The following ALG1L2 variants were observed in gnomAD, a reference collection of about 807,000 sequenced individuals.
ALG1L2 encodes ALG1 chitobiosyldiphosphodolichol beta-mannosyltransferase like 2.
In ALG1L2, 32 loss-of-function variants were observed where a neutral mutation model predicts 29.0. The ratio of observed to expected loss-of-function variants is 1.10; its 90% confidence interval spans 0.83 to 1.48. The LOEUF is 1.48. Among genes scored for constraint, ALG1L2 ranks in the 40% most tolerant of loss-of-function variants. The pLI is 0.00. For missense variants in ALG1L2, 318 were observed against 274.1 expected (o/e 1.16, Z -1.13); for synonymous variants, 110 against 109.5 (o/e 1.00, Z -0.03).
chr3:130,092,144 G>T lies in ALG1L2; in HGVS notation c.175G>T (p.Glu59Ter), dbSNP rs2108120862. The T allele has an allele frequency of 3.7e-6, 6 of 1,613,644 alleles. No individual in the cohort carries two copies. Among genetic ancestry groups the T allele is most frequent in the Non-Finnish European group, 5.1e-6 (6 of 1,179,836 alleles). Reference protein sequence around the residue: ...DPDTERSAFTERDSGSGLVTR... With the variant: ...DPDTERSAFT ...AGACACAGAGCGGTCGGCCTTCACG[G>T]AGCGGGATTCTGGGAGCGGGCTGGT... Residue 59 changes from glutamate (E) to a stop codon, truncating the protein, a stop_gained, in exon 3 of 8, where the codon GAG becomes TAG. Coordinates refer to ENST00000425059, the MANE Select transcript of ALG1L2 (RefSeq NM_001136152.1). LOFTEE classifies it high-confidence loss of function.
intron 1 of ALG1L2, among the ~76,000 whole-genome samples, chr3:130,090,201 C>A (rs1418111116): frequency 1.3e-5 from 2 of 152,278 alleles, no homozygotes; most frequent in Non-Finnish European, 2.9e-5. Context: ...ACTAAAAATA[C>A]AAAAATTAGC....
chr3:130,093,244 C>G, intron 4 of ALG1L2, 84 bp downstream of exon 4: 2 of 1,478,082 alleles, frequency 1.4e-6, no homozygotes, highest in Non-Finnish European at 1.9e-6. Context: ...GTGCTTCCCA[C>G]GATCTTGTCT....
intron 4 of ALG1L2, chr3:130,094,166 C>T (rs749366399): frequency 2.0e-5 from 11 of 553,012 alleles, no homozygotes; most frequent in Non-Finnish European, 3.2e-5. Context: ...GTTTGCAGCC[C>T]GAGGCCAGCT....
intron 1 of ALG1L2, among the ~76,000 whole-genome samples, chr3:130,083,848 G>C (rs1250021710): frequency 8.0e-6 from 1 of 124,986 alleles, no homozygotes; most frequent in Non-Finnish European, 1.9e-5. Flanking sequence ...AGCTGCTCCT[G>C]ACTGTAAAGA....
chr3:130,090,017 G>A (rs1197878017), intron 1 of ALG1L2, among the ~76,000 whole-genome samples: 4 of 152,290 alleles, frequency 2.6e-5, no homozygotes, highest in Non-Finnish European at 5.9e-5. Flanking sequence ...ACTCCAGCCT[G>A]GGGGACAAAA....
chr3:130,098,186 G>T (rs1163070124), intron 7 of ALG1L2, 37 bp from the exon 8 acceptor site: 3 of 1,596,036 alleles, frequency 1.9e-6, no homozygotes, highest in East Asian at 4.5e-5. Flanking sequence ...CCTGGGATGG[G>T]GTGGGGACAG....
At chr3:130,094,632 G>C in intron 5 of ALG1L2, 119 bp downstream of exon 5, 1 of 1,151,096 alleles carries the variant, frequency 8.7e-7, no homozygotes, top group Non-Finnish European at 1.2e-6. Context: ...GACAGGACCT[G>C]GGCTCTAGCT....
At position 130,092,164 on chromosome 3, in the gene ALG1L2, G is replaced by T. The variant is rs772527130; in HGVS notation, c.195G>T (p.Gly65=). The T allele has an allele frequency of 6.2e-7, 1 of 1,613,260 alleles. No individual in the cohort carries two copies. The highest frequency in any genetic ancestry group is 8.5e-7 in the Non-Finnish European group (1 of 1,179,762). The stretch of plus-strand genomic sequence containing the variant: ...TCACGGAGCGGGATTCTGGGAGCGG[G>T]CTGGTGACGCGTCTCCACGAGCGGC... The part of the protein sequence containing the change: ...SAFTERDSGS[G]LVTRLHERPA... Residue 65 remains glycine (G), a synonymous_variant, in exon 3 of 8, where the codon GGG becomes GGT. Transcript: ENST00000425059.
chr3:130,091,180 T>C (rs764992438), intron 1 of ALG1L2, 81 bp from the exon 2 acceptor site: 1 of 1,382,450 alleles, frequency 7.2e-7, no homozygotes, highest in South Asian at 1.2e-5. Flanking sequence ...ACGTTGGGCA[T>C]GGAACCCAAA....
In ALG1L2 at chr3:130,091,343, G is replaced by C. The variant is rs1319783560; in HGVS notation, c.103G>C (p.Gly35Arg). ...GCAGCACCGGCTCTTCATGAAGCTGGGCAGCACGCACTCTCCGTTCAGGGC... is the reference window on the plus strand; with the variant it reads ...GCAGCACCGGCTCTTCATGAAGCTGCGCAGCACGCACTCTCCGTTCAGGGC... ...DLQHRLFMKL[G>R]STHSPFRARS... The change falls in exon 2 of 8, where the codon GGC becomes CGC. Residue 35 changes from glycine to arginine, a missense_variant. Coordinates refer to ENST00000425059, the MANE Select transcript of ALG1L2 (RefSeq NM_001136152.1). 8.8e-6 allele frequency: 14 copies of C among 1,597,370 alleles called. No individual in the cohort carries two copies. The highest frequency in any genetic ancestry group is 1.2e-5 in the Non-Finnish European group (14 of 1,179,760).
Position 130,083,349 on chromosome 3 carries a change from C to G in ALG1L2, c.20+1313C>G, listed in dbSNP as rs536819968. ...ATCCCAGCTACTCAGGAGGCTAAGG[C>G]AGGAGAATGGTCTGAACCCGGGAGG... On this transcript the variant is annotated intron_variant, in intron 1 of 7. Coordinates refer to ENST00000425059, the MANE Select transcript of ALG1L2 (RefSeq NM_001136152.1). Among the ~76,000 whole-genome samples the G allele has an allele frequency of 1.5e-5, 2 of 129,450 alleles. 1 individual carries two copies. Among genetic ancestry groups the G allele is most frequent in the Non-Finnish European group, 3.6e-5 (2 of 56,008 alleles). The allele number at this position is 129,450 out of a possible 152,430, so 84.9% of individuals were successfully genotyped here. A position where few individuals can be genotyped will look rare whatever the true frequency, so the allele number is the denominator to read the frequency against.
At chr3:130,093,467 C>T (rs1289871888) in intron 4 of ALG1L2, among the ~76,000 whole-genome samples, 1 of 149,768 alleles carries the variant, frequency 6.7e-6, no homozygotes, top group Non-Finnish European at 1.5e-5. Context: ...GACTCTGTCG[C>T]CCAGGCTGGG....
intron 5 of ALG1L2, among the ~76,000 whole-genome samples, chr3:130,095,480 G>A (rs1192676335): frequency 6.6e-6 from 1 of 151,520 alleles, no homozygotes; most frequent in African/African-American, 2.4e-5. Flanking sequence ...CTGTAGCACA[G>A]GCTGGAGTGC....
chr3:130,090,194 A>G (rs1035900313), intron 1 of ALG1L2, among the ~76,000 whole-genome samples: 18 of 152,272 alleles, frequency 1.2e-4, no homozygotes, highest in East Asian at 5.8e-4. Flanking sequence ...CGTCCCTACT[A>G]AAAATACAAA....
Position 130,091,266 on chromosome 3 carries a change from T to G in ALG1L2, c.26T>G (p.Val9Gly). 6.3e-7 allele frequency: 1 copy of G among 1,599,296 alleles called. No homozygotes were observed. Among genetic ancestry groups the G allele is most frequent in the African/African-American group, 1.3e-5 (1 of 74,986 alleles). MGATAGWAVTVYDKPASFF... is the reference protein window; with the variant it reads MGATAGWAGTVYDKPASFF... ...CTGCCATGATTTCATTGCAGGGCTGTGACCGTCTACGACAAGCCGGCATCT... is the reference window on the plus strand; with the variant it reads ...CTGCCATGATTTCATTGCAGGGCTGGGACCGTCTACGACAAGCCGGCATCT... Residue 9 changes from valine (V) to glycine (G), a missense_variant, in exon 2 of 8, where the codon GTG (valine) becomes GGG (glycine). By Grantham distance (109) the Val-to-Gly change is moderately radical. Transcript: ENST00000425059.
In ALG1L2 at chr3:130,082,046, G is replaced by T; in HGVS notation, c.20+10G>T. On this transcript the variant is annotated intron_variant, in intron 1 of 7. Transcript: ENST00000425059. ...GAGCTACTGCAGGCTGGTAAGCAGG[G>T]GGGTGGTGCTGGTTGGATTGCAATG... 1.3e-6 allele frequency: 2 copies of T among 1,500,128 alleles called. No homozygotes were observed. Among genetic ancestry groups the T allele is most frequent in the South Asian group, 1.2e-5 (1 of 82,510 alleles). 92.9% of individuals were successfully genotyped at this position (1,500,128 alleles called of 1,614,324 possible). A position where few individuals can be genotyped will look rare whatever the true frequency, so the allele number is the denominator to read the frequency against.
At chr3:130,091,547 T>C (rs1043812261) in intron 2 of ALG1L2, among the ~76,000 whole-genome samples, 176 bp downstream of exon 2, 1 of 152,242 alleles carries the variant, frequency 6.6e-6, no homozygotes, top group African/African-American at 2.4e-5. Flanking sequence ...CATTAACTTC[T>C]GAGTTGTCTA....
At chr3:130,083,208 G>A (rs1198616122) in intron 1 of ALG1L2, among the ~76,000 whole-genome samples, 2 of 144,156 alleles carry the variant, frequency 1.4e-5, no homozygotes, top group Non-Finnish European at 3.1e-5. Flanking sequence ...CATTTTGGGG[G>A]GCCGAGGTGG....
intron 1 of ALG1L2, among the ~76,000 whole-genome samples, chr3:130,084,141 G>A (rs1276337109): frequency 1.5e-5 from 2 of 131,976 alleles, no homozygotes; most frequent in African/African-American, 5.1e-5. Flanking sequence ...CTGTGGGCAG[G>A]GATGCTGGGG....
Sources: allele counts gnomAD v4.1 joint callset (sites outside exome capture counted in the v4.1 genomes callset), GRCh38; gene constraint gnomAD v4.1.1; transcripts MANE v1.5; gene names NCBI Gene and HGNC (gene_info 2026-07-23, HGNC 2026-07-21).